The following DCUN1D5 variants were observed in gnomAD, a reference collection of about 807,000 sequenced individuals.
DCUN1D5 encodes DCN1-like protein 5.
Under a neutral mutation model 38.3 loss-of-function variants are expected in DCUN1D5, and 10 were observed. The observed-to-expected ratio is 0.26, with a 90% CI of 0.16 to 0.44. DCUN1D5 has a LOEUF of 0.44. Among genes scored for constraint, DCUN1D5 ranks in the 20% least tolerant of loss-of-function variants. The probability of loss-of-function intolerance (pLI) is 1.00; values close to 1 mark genes in which losing one functional copy is unlikely to be tolerated. For synonymous variants in DCUN1D5, 93 were observed against 90.9 expected (o/e 1.02, Z -0.13); for missense variants, 148 against 275.3 (o/e 0.54, Z 3.27).
In DCUN1D5 at chr11:103,071,298, AAGAG is replaced by A. The variant is rs886955521; in HGVS notation, c.342-4735_342-4732del. Among the ~76,000 whole-genome samples the A allele has an allele frequency of 7.2e-5, 11 of 151,984 alleles. No homozygotes were observed. Among genetic ancestry groups the A allele is most frequent in the Non-Finnish European group, 1.2e-4 (8 of 67,920 alleles). On this transcript the variant is annotated intron_variant, in intron 4 of 7. Coordinates refer to ENST00000260247, the MANE Select transcript of DCUN1D5 (RefSeq NM_032299.4). This position sits in a 1 kb window ranked among gnomAD's most constrained non-coding sequence, Gnocchi z 4.1. ...CAATTCTCTAACAAGACTGACAAAA[AAGAG>A]AGAAGACAAAAATTACCCATATCAG...
At chr11:103,068,481 T>C (rs1157668943) in intron 4 of DCUN1D5, among the ~76,000 whole-genome samples, 1 of 152,158 alleles carries the variant, frequency 6.6e-6, no homozygotes, top group Non-Finnish European at 1.5e-5. Context: ...CCATGGTATA[T>C]GTACACTATG....
At chr11:103,074,701 G>C (rs926516449) in intron 4 of DCUN1D5, among the ~76,000 whole-genome samples, 4 of 152,160 alleles carry the variant, frequency 2.6e-5, no homozygotes, top group Admixed American at 2.6e-4. Context: ...ACCATGCCCA[G>C]GAGTTTTTAA....
At chr11:103,075,542 C>T (rs1478511834) in intron 4 of DCUN1D5, among the ~76,000 whole-genome samples, 1 of 152,110 alleles carries the variant, frequency 6.6e-6, no homozygotes, top group Non-Finnish European at 1.5e-5. Context: ...CCACCATGCC[C>T]AGCTAATTTT....
In DCUN1D5 at chr11:103,066,233, AAAT is replaced by A. The variant is rs1240689084; in HGVS notation, c.555+33_555+35del. On this transcript the variant is annotated intron_variant, in intron 6 of 7. Coordinates refer to ENST00000260247, the MANE Select transcript of DCUN1D5 (RefSeq NM_032299.4). This position sits in a 1 kb window ranked among gnomAD's most constrained non-coding sequence, Gnocchi z 4.7. Reference sequence around the variant, plus strand: ...AGTATAACTTTCAGATTAAGTTTTAAAATAATATTTTCAAAATTCGAAAAAACA... The same window carrying A: ...AGTATAACTTTCAGATTAAGTTTTAAAATATTTTCAAAATTCGAAAAAACA... 1.5e-6 allele frequency: 2 copies of A among 1,330,728 alleles called. No homozygotes were observed. The highest frequency in any genetic ancestry group is 3.0e-5 in the African/African-American group (2 of 67,120). The allele number at this position is 1,330,728 out of a possible 1,614,324, so 82.4% of individuals were successfully genotyped here.
At chr11:103,074,652 T>C (rs112026943) in intron 4 of DCUN1D5, among the ~76,000 whole-genome samples, 5,067 of 152,228 alleles carry the variant, frequency 0.033, 288 homozygotes, top group African/African-American at 0.12. Context: ...GATTGGCCCA[T>C]CTCAGCCTCC....
At chr11:103,072,109 A>G (rs764329584) in intron 4 of DCUN1D5, among the ~76,000 whole-genome samples, 11 of 152,072 alleles carry the variant, frequency 7.2e-5, no homozygotes, top group Admixed American at 1.3e-4. Flanking sequence ...TACAGGTAAC[A>G]TAACAGTGAA....
Position 103,083,138 on chromosome 11 carries a change from C to A in DCUN1D5, c.249+118G>T. 1 of 628,602 alleles carries A rather than the reference C, an allele frequency of 1.6e-6. No homozygotes were observed. Among genetic ancestry groups the A allele is most frequent in the Non-Finnish European group, 2.8e-6 (1 of 354,420 alleles). The allele number at this position is 628,602 out of a possible 1,614,324, so 38.9% of individuals were successfully genotyped here. A position where few individuals can be genotyped will look rare whatever the true frequency, so the allele number is the denominator to read the frequency against. On this transcript the variant is annotated intron_variant, in intron 3 of 7. Transcript: ENST00000260247. The surrounding 1 kb of genome is among the most constrained non-coding windows in gnomAD (Gnocchi z 4.4). ...TAAAAATACCTTAAATGCAAATTTA[C>A]AATATTAAACATGAAGAAATAAAAT...
Position 103,055,087 on chromosome 11 carries a change from T to C in DCUN1D5, c.*7272A>G, listed in dbSNP as rs1861841386. 6.6e-6 allele frequency: 1 copy of C among 152,166 alleles called. No individual in the cohort carries two copies. Among genetic ancestry groups the C allele is most frequent in the Non-Finnish European group, 1.5e-5 (1 of 68,016 alleles). The allele number at this position is 152,166 out of a possible 1,614,324, so 9.4% of individuals were successfully genotyped here. A position where few individuals can be genotyped will look rare whatever the true frequency, so the allele number is the denominator to read the frequency against. On this transcript the variant is annotated 3_prime_UTR_variant, in exon 8 of 8. Coordinates refer to ENST00000260247, the MANE Select transcript of DCUN1D5 (RefSeq NM_032299.4). The stretch of plus-strand genomic sequence containing the variant: ...AGTCTAAACATGAAATTCATTTATG[T>C]TTCATATACACTTTTTACACATAGC...
At position 103,086,520 on chromosome 11, in the gene DCUN1D5, C is replaced by T. The variant is rs911219567; in HGVS notation, c.178+2707G>A. On this transcript the variant is annotated intron_variant, in intron 2 of 7. Coordinates refer to ENST00000260247, the MANE Select transcript of DCUN1D5 (RefSeq NM_032299.4). This position sits in a 1 kb window ranked among gnomAD's most constrained non-coding sequence, Gnocchi z 4.1. Reference sequence around the variant, plus strand: ...TCCACAGAGAGGCCTTCCCTAATCACTCTATCTGAAAGTCCATCTAACCCT... The same window carrying T: ...TCCACAGAGAGGCCTTCCCTAATCATTCTATCTGAAAGTCCATCTAACCCT... Among the ~76,000 whole-genome samples, 2 of 152,198 alleles carry T rather than the reference C, an allele frequency of 1.3e-5. No individual in the cohort carries two copies. The highest frequency in any genetic ancestry group is 2.9e-5 in the Non-Finnish European group (2 of 68,022).
intron 4 of DCUN1D5, among the ~76,000 whole-genome samples, chr11:103,079,191 G>A (rs1261459366): frequency 6.6e-6 from 1 of 152,106 alleles, no homozygotes; most frequent in African/African-American, 2.4e-5. Context: ...AATCTGAGGT[G>A]GAACAGTTTC....
Position 103,083,201 on chromosome 11 carries a change from T to C in DCUN1D5, c.249+55A>G. 1.2e-6 allele frequency: 1 copy of C among 827,144 alleles called. No individual in the cohort carries two copies. The highest frequency in any genetic ancestry group is 1.5e-5 in the South Asian group (1 of 66,170). The allele number at this position is 827,144 out of a possible 1,614,324, so 51.2% of individuals were successfully genotyped here. A position where few individuals can be genotyped will look rare whatever the true frequency, so the allele number is the denominator to read the frequency against. Reference sequence around the variant, plus strand: ...TTAAAGTGTCTCGATTTTTAGTAATTTACGAATATGCTATACCCCACTTAT... The same window carrying C: ...TTAAAGTGTCTCGATTTTTAGTAATCTACGAATATGCTATACCCCACTTAT... On this transcript the variant is annotated intron_variant, in intron 3 of 7. Coordinates refer to ENST00000260247, the MANE Select transcript of DCUN1D5 (RefSeq NM_032299.4). The surrounding 1 kb of genome is among the most constrained non-coding windows in gnomAD (Gnocchi z 4.4).
In DCUN1D5 at chr11:103,091,846, G is replaced by C. The variant is rs1434206600; in HGVS notation, c.27C>G (p.Ser9=). 1.2e-6 allele frequency: 2 copies of C among 1,613,764 alleles called. No individual in the cohort carries two copies. Among genetic ancestry groups the C allele is most frequent in the African/African-American group, 2.7e-5 (2 of 74,932 alleles). MPVKKKRK[S]PGVAAAVAED... is the part of the protein sequence containing the mutation. ...CCGCTACTGCTGCTGCCACCCCAGGGGATTTTCTCTTCTTCTTCACCGGCA... is the reference window on the plus strand; with the variant it reads ...CCGCTACTGCTGCTGCCACCCCAGGCGATTTTCTCTTCTTCTTCACCGGCA... The change falls in exon 1 of 8, where the codon TCC becomes TCG. Residue 9 remains serine (S), a synonymous_variant. Transcript: ENST00000260247. This position sits in a 1 kb window ranked among gnomAD's most constrained non-coding sequence, Gnocchi z 4.3.
Position 103,073,522 on chromosome 11 carries a change from T to C in DCUN1D5, c.342-6955A>G, listed in dbSNP as rs1486617226. On this transcript the variant is annotated intron_variant, in intron 4 of 7. Coordinates refer to ENST00000260247, the MANE Select transcript of DCUN1D5 (RefSeq NM_032299.4). The surrounding 1 kb of genome is among the most constrained non-coding windows in gnomAD (Gnocchi z 4.2). ...CATAAGTCTACCTGATTTCAAGTCT[T>C]AGTATTTAGCCACAGTAATCCAGAC... Among the ~76,000 whole-genome samples, 1 of 152,232 alleles carries C rather than the reference T, an allele frequency of 6.6e-6. No individual in the cohort carries two copies. The highest frequency in any genetic ancestry group is 6.5e-5 in the Admixed American group (1 of 15,288).
intron 4 of DCUN1D5, chr11:103,079,865 A>G (rs1463483606): frequency 6.6e-6 from 1 of 152,244 alleles, no homozygotes; most frequent in Non-Finnish European, 1.5e-5. Context: ...ACATGGAAGA[A>G]TAGATGTGAA....
In DCUN1D5 at chr11:103,058,196, T is replaced by C. The variant is rs1315594369; in HGVS notation, c.*4163A>G. ...GAAACCATGTAAAAATGAGCCATAT[T>C]ATAAGAGGTTCTAATACATGACACA... On this transcript the variant is annotated 3_prime_UTR_variant, in exon 8 of 8. Transcript: ENST00000260247. Among the ~76,000 whole-genome samples, 2 of 115,268 alleles carry C rather than the reference T, an allele frequency of 1.7e-5. No individual in the cohort carries two copies. The highest frequency in any genetic ancestry group is 6.6e-5 in the African/African-American group (2 of 30,418). The allele number at this position is 115,268 out of a possible 152,430, so 75.6% of individuals were successfully genotyped here.
At chr11:103,089,111 T>G in intron 2 of DCUN1D5, 116 bp downstream of exon 2, 1 of 1,012,634 alleles carries the variant, frequency 9.9e-7, no homozygotes, top group Non-Finnish European at 1.4e-6. Flanking sequence ...CTGACCCTCA[T>G]CCCAGTACAC....
chr11:103,058,465 C>G lies in DCUN1D5; in HGVS notation c.*3894G>C, dbSNP rs1861931916. ...TACAAGTTCACTAGAAAAATCTCTA[C>G]AATTAAATTAATGACAACTTATCCA... On this transcript the variant is annotated 3_prime_UTR_variant, in exon 8 of 8. Coordinates refer to ENST00000260247, the MANE Select transcript of DCUN1D5 (RefSeq NM_032299.4). Among the ~76,000 whole-genome samples the G allele has an allele frequency of 6.6e-6, 1 of 152,158 alleles. No individual in the cohort carries two copies. The highest frequency in any genetic ancestry group is 2.4e-5 in the African/African-American group (1 of 41,436).
chr11:103,091,810 G>A lies in DCUN1D5; in HGVS notation c.63C>T (p.Gly21=), dbSNP rs1312697612. 3 of 1,614,102 alleles carry A rather than the reference G, an allele frequency of 1.9e-6. No homozygotes were observed. Among genetic ancestry groups the A allele is most frequent in the South Asian group, 1.1e-5 (1 of 91,088 alleles). Reference sequence around the variant, plus strand: ...ACCTGGAGATTTTACACTTTTTGAGGCCTCCGTCTTCCGCTACTGCTGCTG... The same window carrying A: ...ACCTGGAGATTTTACACTTTTTGAGACCTCCGTCTTCCGCTACTGCTGCTG... ...GVAAAVAEDG[G]LKKCKISSYC... Residue 21 remains glycine, a synonymous_variant, in exon 1 of 8, where the codon GGC becomes GGT. Transcript: ENST00000260247. This position sits in a 1 kb window ranked among gnomAD's most constrained non-coding sequence, Gnocchi z 4.3.
At position 103,061,393 on chromosome 11, in the gene DCUN1D5, C is replaced by G. The variant is rs1009484793; in HGVS notation, c.*966G>C. Among the ~76,000 whole-genome samples, 2 of 152,028 alleles carry G rather than the reference C, an allele frequency of 1.3e-5. No homozygotes were observed. ...TGCCTTTTACATGAATTAGGAAAGC[C>G]TTCCCTTTCCTCAAGACACTTGATT... On this transcript the variant is annotated 3_prime_UTR_variant, in exon 8 of 8. Coordinates refer to ENST00000260247, the MANE Select transcript of DCUN1D5 (RefSeq NM_032299.4).
Sources: allele counts gnomAD v4.1 joint callset (sites outside exome capture counted in the v4.1 genomes callset), GRCh38; gene constraint gnomAD v4.1.1; non-coding constraint Gnocchi (gnomAD v3.1); transcripts MANE v1.5; gene names NCBI Gene and HGNC (gene_info 2026-07-23, HGNC 2026-07-21).